RABL2B: variants seen among roughly 807,000 people sequenced by gnomAD.
RABL2B encodes the protein rab-like protein 2B.
A neutral mutation model predicts 26.7 loss-of-function variants in RABL2B; 17 were observed. The observed-to-expected ratio is 0.64, with a 90% CI of 0.44 to 0.95. RABL2B has a LOEUF of 0.95. Ranked by LOEUF, RABL2B falls within the 40% of genes least tolerant of loss-of-function variation. RABL2B has a pLI of 0.00. For synonymous variants in RABL2B, 70 were observed against 103.9 expected (o/e 0.67, Z 1.99); for missense variants, 170 against 277.2 (o/e 0.61, Z 2.75).
intron 5 of RABL2B, among the ~76,000 whole-genome samples, chr22:50,773,431 G>C (rs2084485740): frequency 6.6e-6 from 1 of 152,126 alleles, no homozygotes; most frequent in Non-Finnish European, 1.5e-5. Flanking sequence ...GTGCCTACCA[G>C]TCAGTCAGTT....
Position 50,770,134 on chromosome 22 carries a change from C to T in RABL2B, c.298-118G>A, listed in dbSNP as rs187769940. 7.0e-3 allele frequency: 10,885 copies of T among 1,550,508 alleles called. 52 individuals are homozygous for T. Among genetic ancestry groups the T allele is most frequent in the Middle Eastern group, 0.01 (52 of 5,016 alleles). ...GAGCACATGGTGCTGTTTGTGGGAA[C>T]GCTCTGAATTGCAGCCTCTCTGACC... On this transcript the variant is annotated intron_variant, in intron 5 of 8. Transcript: ENST00000691320.
rs1409934316 is a variant in RABL2B, at chr22:50,770,143, T to C, written c.298-127A>G. 2.6e-6 allele frequency: 4 copies of C among 1,522,878 alleles called. No individual in the cohort carries two copies. In the African/African-American group the frequency reaches 4.1e-5, roughly 16 times the overall value. The allele number at this position is 1,522,878 out of a possible 1,614,324, so 94.3% of individuals were successfully genotyped here. A position where few individuals can be genotyped will look rare whatever the true frequency, so the allele number is the denominator to read the frequency against. The stretch of plus-strand genomic sequence containing the variant: ...GTGCTGTTTGTGGGAACGCTCTGAA[T>C]TGCAGCCTCTCTGACCGCAGAGGCT... On this transcript the variant is annotated intron_variant, in intron 5 of 8. Transcript: ENST00000691320.
Position 50,775,832 on chromosome 22 carries a change from G to A in RABL2B, c.237C>T (p.Gly79=), listed in dbSNP as rs1198909462. The part of the protein sequence containing the change: ...TILVDFWDTA[G]QERFQSMHAS... ...CATGCATGCTCTGGAACCGCTCCTGGCCTGCCGTGTCCCAAAAGTCTGCAA... is the reference window on the plus strand; with the variant it reads ...CATGCATGCTCTGGAACCGCTCCTGACCTGCCGTGTCCCAAAAGTCTGCAA... The change falls in exon 5 of 9, where the codon GGC becomes GGT. Residue 79 remains glycine, a synonymous_variant. Coordinates refer to ENST00000691320, the MANE Select transcript of RABL2B (RefSeq NM_001130919.3). 5 of 1,614,048 alleles carry A rather than the reference G, an allele frequency of 3.1e-6. No homozygotes were observed. Among genetic ancestry groups the A allele is most frequent in the Non-Finnish European group, 3.4e-6 (4 of 1,180,032 alleles).
rs1306576302 is a variant in RABL2B at position 50,783,500 on chromosome 22, C to T, written c.-54+1G>A. The T allele has an allele frequency of 2.0e-5, 3 of 152,168 alleles. No individual in the cohort carries two copies. Among genetic ancestry groups the T allele is most frequent in the African/African-American group, 7.2e-5 (3 of 41,454 alleles). The allele number at this position is 152,168 out of a possible 1,614,324, so 9.4% of individuals were successfully genotyped here. Reference sequence around the variant, plus strand: ...AGCCACCGGGGCGGATTTGCCCTCACGTGCGGTTCCGAGTGAGGGCTGGAG... The same window carrying T: ...AGCCACCGGGGCGGATTTGCCCTCATGTGCGGTTCCGAGTGAGGGCTGGAG... On this transcript the variant is annotated splice_donor_variant, in intron 1 of 8. Transcript: ENST00000691320. LOFTEE classifies it low-confidence loss of function (5UTR_SPLICE).
At chr22:50,778,928 T>TAAC (rs1192081044) in intron 2 of RABL2B, among the ~76,000 whole-genome samples, 1 of 150,032 alleles carries the variant, frequency 6.7e-6, no homozygotes, top group Non-Finnish European at 1.5e-5. Context: ...ATTTTATTTA[T>TAAC]AACTATAAAG....
rs782392088 is a variant in RABL2B, at chr22:50,777,985, T to C, written c.108-4A>G. 1.2e-6 allele frequency: 2 copies of C among 1,613,996 alleles called. No homozygotes were observed. Among genetic ancestry groups the C allele is most frequent in the African/African-American group, 2.7e-5 (2 of 74,892 alleles). On this transcript the variant is annotated splice_region_variant and splice_polypyrimidine_tract_variant and intron_variant, in intron 2 of 8. Transcript: ENST00000691320. ...CATGAGAAATCTCTCCATGAGTCTG[T>C]AAGCAGAACAGGCAAGGTGGTCAGA...
chr22:50,776,366 C>T (rs1569174993), intron 4 of RABL2B, among the ~76,000 whole-genome samples: 1 of 152,178 alleles, frequency 6.6e-6, no homozygotes, highest in African/African-American at 2.4e-5. Context: ...ACTGCCTCGT[C>T]GAAGGCCTCT....
At chr22:50,780,030 G>T (rs2085559225) in intron 2 of RABL2B, among the ~76,000 whole-genome samples, 1 of 152,058 alleles carries the variant, frequency 6.6e-6, no homozygotes, top group Non-Finnish European at 1.5e-5. Flanking sequence ...ATCACCTGGG[G>T]TCAAAAGAAA....
intron 1 of RABL2B, 144 bp from the exon 2 acceptor site, chr22:50,782,491 G>C: frequency 7.3e-7 from 1 of 1,373,358 alleles, no homozygotes; most frequent in Non-Finnish European, 1.0e-6. Flanking sequence ...GAGTAGCAGA[G>C]TATGACACAC....
rs1359688330 is a variant in RABL2B at position 50,774,616 on chromosome 22, T to C, written c.297+1156A>G. Among the ~76,000 whole-genome samples, 79 of 149,662 alleles carry C rather than the reference T, an allele frequency of 5.3e-4. 2 individuals are homozygous for C. The highest frequency in any genetic ancestry group is 3.4e-3 in the Middle Eastern group (1 of 292). ...TTCCCGATCCATCAGAAAATGGTTGTTTTGTACCGCCAAGTTTTGGGGTTT... is the reference window on the plus strand; with the variant it reads ...TTCCCGATCCATCAGAAAATGGTTGCTTTGTACCGCCAAGTTTTGGGGTTT... On this transcript the variant is annotated intron_variant, in intron 5 of 8. Transcript: ENST00000691320.
In RABL2B at chr22:50,773,251, C is replaced by G. The variant is rs1454022276; in HGVS notation, c.297+2521G>C. On this transcript the variant is annotated intron_variant, in intron 5 of 8. Coordinates refer to ENST00000691320, the MANE Select transcript of RABL2B (RefSeq NM_001130919.3). ...CCCCCATTTTCCTTGCCCCATCATCCTCTTGTTTAGTGCCTTAACAGTTAT... is the reference window on the plus strand; with the variant it reads ...CCCCCATTTTCCTTGCCCCATCATCGTCTTGTTTAGTGCCTTAACAGTTAT... The G allele has an allele frequency of 1.0e-5, 13 of 1,282,736 alleles. No homozygotes were observed. In the African/African-American group the frequency reaches 1.1e-4, roughly 11 times the overall value. 79.5% of individuals were successfully genotyped at this position (1,282,736 alleles called of 1,614,324 possible).
intron 5 of RABL2B, among the ~76,000 whole-genome samples, chr22:50,774,486 G>T (rs1180387235): frequency 6.7e-6 from 1 of 149,730 alleles, no homozygotes; most frequent in Non-Finnish European, 1.5e-5. Context: ...AGAACCTGCT[G>T]GTGGTCCAGC....
rs1555917097 is a variant in RABL2B, at chr22:50,769,936, G to C, written c.378C>G (p.Ile126Met). 2 of 1,613,628 alleles carry C rather than the reference G, an allele frequency of 1.2e-6. No individual in the cohort carries two copies. Among genetic ancestry groups the C allele is most frequent in the Middle Eastern group, 1.7e-4 (1 of 6,056 alleles). The stretch of plus-strand genomic sequence containing the variant: ...TTTTATTGGCCACCACGATGCATGG[G>C]ATCTCTGGCCTGAACTCCCGAAGCT... ...YTELREFRPE[I>M]PCIVVANKID... is the part of the protein sequence containing the mutation. Residue 126 changes from isoleucine (I) to methionine (M), a missense_variant, in exon 6 of 9, where the codon ATC becomes ATG. By Grantham distance (10) the Ile-to-Met change is conservative (BLOSUM62 1). Coordinates refer to ENST00000691320, the MANE Select transcript of RABL2B (RefSeq NM_001130919.3).
rs2083601080 is a variant in RABL2B at position 50,767,627 on chromosome 22, G to C, written c.*1149C>G. The C allele has an allele frequency of 1.2e-5, 4 of 340,750 alleles. No individual in the cohort carries two copies. The highest frequency in any genetic ancestry group is 6.4e-5 in the South Asian group (3 of 46,730). 21.1% of individuals were successfully genotyped at this position (340,750 alleles called of 1,614,324 possible). A position where few individuals can be genotyped will look rare whatever the true frequency, so the allele number is the denominator to read the frequency against. On this transcript the variant is annotated 3_prime_UTR_variant, in exon 9 of 9. Transcript: ENST00000691320. ...ACATACTAGCAAGCCACAAGTACCA[G>C]AGAGGGGTGAACAGGCATATCTGCT...
At chr22:50,781,261 G>A (rs1239169153) in intron 2 of RABL2B, among the ~76,000 whole-genome samples, 2 of 151,338 alleles carry the variant, frequency 1.3e-5, no homozygotes, top group East Asian at 2.0e-4. Context: ...GGAGAATGGC[G>A]TGAACCCGGG....
intron 2 of RABL2B, among the ~76,000 whole-genome samples, chr22:50,779,014 G>A (rs554071645): frequency 2.0e-5 from 3 of 151,322 alleles, no homozygotes; most frequent in African/African-American, 7.3e-5. Context: ...AAATTACCGC[G>A]GCCAGAGGTT....
intron 2 of RABL2B, among the ~76,000 whole-genome samples, chr22:50,778,334 C>T (rs1349541951): frequency 2.6e-5 from 4 of 151,696 alleles, no homozygotes; most frequent in Non-Finnish European, 2.9e-5. Flanking sequence ...ATTTCCCGGT[C>T]GGGCGCGGTG....
chr22:50,772,717 T>C (rs539359700), intron 5 of RABL2B: 4 of 1,052,956 alleles, frequency 3.8e-6, no homozygotes, highest in African/African-American at 3.3e-5. Flanking sequence ...CACCAGGTTG[T>C]CTTGAATTCC....
intron 5 of RABL2B, among the ~76,000 whole-genome samples, chr22:50,773,591 C>T (rs1191222627): frequency 1.3e-5 from 2 of 151,228 alleles, no homozygotes; most frequent in Admixed American, 6.6e-5. Flanking sequence ...GGAGGCTGCA[C>T]GGAGGTGGTG....
Sources: gnomAD v4.1 joint callset for allele counts (sites outside exome capture counted in the v4.1 genomes callset) on GRCh38, gnomAD v4.1.1 for gene constraint, MANE v1.5 for transcripts, NCBI Gene and HGNC (gene_info 2026-07-23, HGNC 2026-07-21) for gene names.